The following BMERB1 variants were observed in gnomAD, a reference collection of about 807,000 sequenced individuals.
The protein encoded by BMERB1 is bMERB domain containing 1, also known as bMERB domain-containing protein 1.
BMERB1 carries 12 observed loss-of-function variants against 23.6 expected under a neutral mutation model. The ratio of observed to expected loss-of-function variants is 0.51; its 90% CI spans 0.33 to 0.82. The LOEUF (loss-of-function observed/expected upper bound fraction) is 0.82, where lower values mean the gene tolerates loss of function less well. Ranked by LOEUF, BMERB1 falls within the 40% of genes least tolerant of loss-of-function variation. The pLI is 0.03. For missense variants in BMERB1, 247 were observed against 255.4 expected, an observed-to-expected ratio of 0.97 and a Z score of 0.22; for synonymous variants, 122 against 96.6, an observed-to-expected ratio of 1.26 and a Z score of -1.54.
intron 2 of BMERB1, among the ~76,000 whole-genome samples, chr16:15,565,015 G>A (rs1412002122): frequency 1.3e-5 from 2 of 149,578 alleles, no homozygotes; most frequent in East Asian, 3.9e-4. Flanking sequence ...AAATACTGGT[G>A]AACAGTGGTT....
chr16:15,508,930 C>T (rs2051624789), intron 1 of BMERB1, among the ~76,000 whole-genome samples: 1 of 151,536 alleles, frequency 6.6e-6, no homozygotes. Context: ...CGATTTGTAT[C>T]TGATTCAAGC....
chr16:15,535,607 G>A (rs2052017071), intron 2 of BMERB1, among the ~76,000 whole-genome samples: 1 of 145,268 alleles, frequency 6.9e-6, no homozygotes, highest in African/African-American at 2.6e-5. Context: ...CTGAGATCGT[G>A]CCACAGTACT....
chr16:15,566,126 A>T (rs915838724), intron 2 of BMERB1, among the ~76,000 whole-genome samples: 3 of 152,226 alleles, frequency 2.0e-5, no homozygotes, highest in South Asian at 2.1e-4. Context: ...AATCCCGATG[A>T]ATCTCATTTG....
At chr16:15,449,086 C>T (rs1447359429) in intron 1 of BMERB1, among the ~76,000 whole-genome samples, 2 of 152,088 alleles carry the variant, frequency 1.3e-5, no homozygotes, top group South Asian at 2.1e-4. Context: ...GATAAGGCCC[C>T]GTTAAATAAC....
At chr16:15,545,887 C>T (rs1300940026) in intron 2 of BMERB1, among the ~76,000 whole-genome samples, 2 of 152,036 alleles carry the variant, frequency 1.3e-5, no homozygotes, top group African/African-American at 4.8e-5. Context: ...AGGAGGGAGA[C>T]ACAACCCCAC....
chr16:15,541,216 A>T (rs1029588872), intron 2 of BMERB1, among the ~76,000 whole-genome samples: 5 of 152,018 alleles, frequency 3.3e-5, no homozygotes, highest in Non-Finnish European at 5.9e-5. Flanking sequence ...AATGGAAGAG[A>T]GATGCATTGG....
chr16:15,503,870 G>C (rs990831691), intron 1 of BMERB1, among the ~76,000 whole-genome samples: 4 of 152,216 alleles, frequency 2.6e-5, no homozygotes, highest in African/African-American at 7.2e-5. Context: ...CTCCACAACA[G>C]TGTAAGCCTC....
chr16:15,447,110 T>C (rs968342829), intron 1 of BMERB1, among the ~76,000 whole-genome samples: 2 of 152,154 alleles, frequency 1.3e-5, no homozygotes, highest in African/African-American at 4.8e-5. Context: ...ATCTGTAAAA[T>C]GGGGATAATA....
chr16:15,571,544 T>C (rs1464267806), intron 3 of BMERB1, among the ~76,000 whole-genome samples: 1 of 151,866 alleles, frequency 6.6e-6, no homozygotes, highest in African/African-American at 2.4e-5. Flanking sequence ...TTAGTAGAGG[T>C]GGGGTTTCAC....
At chr16:15,534,861 C>A (rs776779587) in intron 2 of BMERB1, among the ~76,000 whole-genome samples, 1 of 152,196 alleles carries the variant, frequency 6.6e-6, no homozygotes, top group Non-Finnish European at 1.5e-5. Context: ...ATGCTGAGCT[C>A]TTGCAAGTAC....
At position 15,506,109 on chromosome 16, in the gene BMERB1, T is replaced by C. The variant is rs141614127; in HGVS notation, c.107-9196T>C. ...CACTGCCCCAATTGCCCCTTAGAAC[T>C]GATGTTTACGGTGTTTTGTTTTGTT... On this transcript the variant is annotated intron_variant, in intron 1 of 5. Coordinates refer to ENST00000300006, the MANE Select transcript of BMERB1 (RefSeq NM_033201.3). Among the ~76,000 whole-genome samples the C allele has an allele frequency of 5.3e-3, 810 of 152,194 alleles. 7 individuals are homozygous for C. The highest frequency in any genetic ancestry group is 0.019 in the African/African-American group (788 of 41,536).
intron 1 of BMERB1, among the ~76,000 whole-genome samples, chr16:15,438,045 G>C (rs2150919613): frequency 6.6e-6 from 1 of 152,184 alleles, no homozygotes; most frequent in Admixed American, 6.5e-5. Context: ...AAAGGCAAGA[G>C]GAACAGCTCC....
intron 1 of BMERB1, among the ~76,000 whole-genome samples, chr16:15,502,626 C>T (rs577913766): frequency 1.3e-5 from 2 of 152,250 alleles, no homozygotes; most frequent in South Asian, 2.1e-4. Context: ...TTGATGACAA[C>T]GAAGTCTAGA....
chr16:15,519,405 T>G (rs557805646), intron 2 of BMERB1, among the ~76,000 whole-genome samples: 52 of 152,228 alleles, frequency 3.4e-4, no homozygotes, highest in African/African-American at 1.2e-3. Context: ...TATTTTTATT[T>G]CTTGTGACAG....
chr16:15,438,229 G>T (rs2050905758), intron 1 of BMERB1, among the ~76,000 whole-genome samples: 1 of 151,194 alleles, frequency 6.6e-6, no homozygotes, highest in Non-Finnish European at 1.5e-5. Flanking sequence ...TGGGACTACA[G>T]GCGCCTGCCA....
At chr16:15,565,743 C>G (rs1188857981) in intron 2 of BMERB1, among the ~76,000 whole-genome samples, 1 of 152,094 alleles carries the variant, frequency 6.6e-6, no homozygotes, top group East Asian at 1.9e-4. Flanking sequence ...AGCTGTAGTG[C>G]CAGCTACTTC....
intron 3 of BMERB1, among the ~76,000 whole-genome samples, chr16:15,571,970 A>C (rs1486010409): frequency 1.3e-5 from 2 of 152,048 alleles, no homozygotes; most frequent in African/African-American, 4.8e-5. Flanking sequence ...TGCAGAAAAA[A>C]GCACAGGCCG....
chr16:15,515,742 C>T (rs975508070), intron 2 of BMERB1, among the ~76,000 whole-genome samples: 5 of 152,102 alleles, frequency 3.3e-5, no homozygotes, highest in African/African-American at 1.2e-4. Flanking sequence ...CTTTCACGAG[C>T]GCACACTCTG....
intron 2 of BMERB1, among the ~76,000 whole-genome samples, chr16:15,557,990 G>A (rs960842596): frequency 6.6e-6 from 1 of 151,998 alleles, no homozygotes; most frequent in African/African-American, 2.4e-5. Context: ...GTTGCAGTGA[G>A]CCGAGATCAT....
Sources: allele counts gnomAD v4.1 joint callset (sites outside exome capture counted in the v4.1 genomes callset), GRCh38; gene constraint gnomAD v4.1.1; transcripts MANE v1.5; gene names NCBI Gene and HGNC (gene_info 2026-07-23, HGNC 2026-07-21).